Variants in SYDE1 observed in about 807,000 individuals in gnomAD.
The protein encoded by SYDE1 is rho GTPase-activating protein SYDE1.
Under a neutral mutation model 63.3 loss-of-function variants are expected in SYDE1, and 34 were observed. The ratio of observed to expected loss-of-function variants is 0.54; its 90% CI spans 0.41 to 0.71. The LOEUF is 0.71. Ranked by LOEUF, SYDE1 falls within the 30% of genes least tolerant of loss-of-function variation. The pLI, the probability that SYDE1 is intolerant of heterozygous loss-of-function variation, is 0.00. For missense variants in SYDE1, 925 were observed against 1,042.5 expected (o/e 0.89, Z 1.55); for synonymous variants, 467 against 473.4 (o/e 0.99, Z 0.18).
chr19:15,113,423 C>A, intron 7 of SYDE1, 137 bp from the exon 8 acceptor site: 1 of 1,016,934 alleles, frequency 9.8e-7, no homozygotes, highest in Non-Finnish European at 1.4e-6. Context: ...CGTAAGCAAC[C>A]AGTCCTAGCT....
Position 15,110,511 on chromosome 19 carries a change from GT to G in SYDE1, c.1076-9del, listed in dbSNP as rs2046338028. ...GAGCACACCCGGCTCAGGCCCCCTT[GT>G]GTCCTCAGGGTGCCAGGCCCAACAG... On this transcript the variant is annotated splice_polypyrimidine_tract_variant and intron_variant, in intron 3 of 7. Coordinates refer to ENST00000342784, the MANE Select transcript of SYDE1 (RefSeq NM_033025.6). This position sits in a 1 kb window ranked among gnomAD's most constrained non-coding sequence, Gnocchi z 6.9. 6.4e-7 allele frequency: 1 copy of G among 1,566,444 alleles called. No individual in the cohort carries two copies. The highest frequency in any genetic ancestry group is 8.6e-7 in the Non-Finnish European group (1 of 1,158,478).
In SYDE1 at chr19:15,109,451, CT is replaced by C; in HGVS notation, c.430+56del. 2 of 1,479,780 alleles carry C rather than the reference CT, an allele frequency of 1.4e-6. No individual in the cohort carries two copies. The highest frequency in any genetic ancestry group is 2.4e-5 in the East Asian group (1 of 41,872). 91.7% of individuals were successfully genotyped at this position (1,479,780 alleles called of 1,614,324 possible). ...CAAGGTGAGCACCAGCTCCACATCC[CT>C]TCCCTTCAGGGTAGCACCAGCCTCA... On this transcript the variant is annotated intron_variant, in intron 2 of 7. Transcript: ENST00000342784. The surrounding 1 kb of genome is among the most constrained non-coding windows in gnomAD (Gnocchi z 5.0).
Position 15,108,739 on chromosome 19 carries a change from T to G in SYDE1, c.89-317T>G. ...GGTGCAAAGCTCCATGCCACGGTTA[T>G]TGAGAGGGTAGAGGAAGTGGAGACT... On this transcript the variant is annotated intron_variant, in intron 1 of 7. Coordinates refer to ENST00000342784, the MANE Select transcript of SYDE1 (RefSeq NM_033025.6). The surrounding 1 kb of genome is among the most constrained non-coding windows in gnomAD (Gnocchi z 4.3). 5 of 281,436 alleles carry G rather than the reference T, an allele frequency of 1.8e-5. No homozygotes were observed. Among genetic ancestry groups the G allele is most frequent in the Non-Finnish European group, 2.6e-5 (4 of 151,584 alleles). The allele number at this position is 281,436 out of a possible 1,614,324, so 17.4% of individuals were successfully genotyped here.
rs758078960 is a variant in SYDE1 at position 15,113,856 on chromosome 19, G to A, written c.2101G>A (p.Asp701Asn). 1 of 1,614,206 alleles carries A rather than the reference G, an allele frequency of 6.2e-7. No individual in the cohort carries two copies. The highest frequency in any genetic ancestry group is 1.1e-5 in the South Asian group (1 of 91,090). The change falls in exon 8 of 8, where the codon GAC becomes AAC. Residue 701 changes from aspartate to asparagine, a missense_variant. By Grantham distance (23) the Asp-to-Asn change is conservative. Transcript: ENST00000342784. ...GEPRVTGDFE[D>N]DFDAPFNPHL... is the part of the protein sequence containing the mutation. The stretch of plus-strand genomic sequence containing the variant: ...GCCGAGGGTCACCGGTGACTTCGAA[G>A]ACGACTTCGATGCGCCCTTCAACCC...
At position 15,111,875 on chromosome 19, in the gene SYDE1, T is replaced by C. The variant is rs559554525; in HGVS notation, c.1578+83T>C. 1.5e-5 allele frequency: 21 copies of C among 1,359,932 alleles called. No homozygotes were observed. The East Asian group carries it at 2.4e-4, about 16-fold the overall frequency. 84.2% of individuals were successfully genotyped at this position (1,359,932 alleles called of 1,614,324 possible). On this transcript the variant is annotated intron_variant, in intron 6 of 7. Transcript: ENST00000342784. The surrounding 1 kb of genome is among the most constrained non-coding windows in gnomAD (Gnocchi z 5.5). ...GTTTCACCCATGCCTGGGCCTGAGA[T>C]GGGCATGAGCTGGCAGCATCATCAT...
At chr19:15,112,302 G>A in intron 6 of SYDE1, 44 bp from the exon 7 acceptor site, 2 of 1,402,834 alleles carry the variant, frequency 1.4e-6, no homozygotes, top group Admixed American at 2.0e-5. Flanking sequence ...GGTGCCACAG[G>A]GGCCTGACTT....
At position 15,114,000 on chromosome 19, in the gene SYDE1, C is replaced by T. The variant is rs199733623; in HGVS notation, c.*37C>T. The stretch of plus-strand genomic sequence containing the variant: ...GGGTGGGACCCCGGTTAGTAAGGAC[C>T]GGGCGCCCAGTGGCTAAGGCGGTGC... On this transcript the variant is annotated 3_prime_UTR_variant, in exon 8 of 8. Transcript: ENST00000342784. 24 of 1,580,480 alleles carry T rather than the reference C, an allele frequency of 1.5e-5. No homozygotes were observed. The African/African-American group carries it at 2.6e-4, about 17-fold the overall frequency.
Position 15,109,930 on chromosome 19 carries a change from T to C in SYDE1, c.657T>C (p.Pro219=), listed in dbSNP as rs1397402792. 6.8e-7 allele frequency: 1 copy of C among 1,460,112 alleles called. No homozygotes were observed. Among genetic ancestry groups the C allele is most frequent in the South Asian group, 1.4e-5 (1 of 73,842 alleles). The allele number at this position is 1,460,112 out of a possible 1,614,324, so 90.4% of individuals were successfully genotyped here. A position where few individuals can be genotyped will look rare whatever the true frequency, so the allele number is the denominator to read the frequency against. ...GGGGCCCCGGGCCGGCAGCAGGGCCTGGGGGCACCCGGAGCCCGAGGGCCG... is the reference window on the plus strand; with the variant it reads ...GGGGCCCCGGGCCGGCAGCAGGGCCCGGGGGCACCCGGAGCCCGAGGGCCG... ...SVGGPGPAAG[P]GGTRSPRAGY... is the part of the protein sequence containing the mutation. The change falls in exon 3 of 8, where the codon CCT becomes CCC. Residue 219 remains proline, a synonymous_variant. Transcript: ENST00000342784. This position sits in a 1 kb window ranked among gnomAD's most constrained non-coding sequence, Gnocchi z 5.0.
rs773334588 is a variant in SYDE1 at position 15,108,866 on chromosome 19, C to T, written c.89-190C>T. 6 of 906,964 alleles carry T rather than the reference C, an allele frequency of 6.6e-6. No individual in the cohort carries two copies. Among genetic ancestry groups the T allele is most frequent in the Admixed American group, 6.9e-5 (2 of 29,096 alleles). 56.2% of individuals were successfully genotyped at this position (906,964 alleles called of 1,614,324 possible). A position where few individuals can be genotyped will look rare whatever the true frequency, so the allele number is the denominator to read the frequency against. ...TGCCAGGGACTGAGTAGGGGGTGCT[C>T]TAAGCTGATAACTGAGATCGCTAGC... On this transcript the variant is annotated intron_variant, in intron 1 of 7. Coordinates refer to ENST00000342784, the MANE Select transcript of SYDE1 (RefSeq NM_033025.6). This position sits in a 1 kb window ranked among gnomAD's most constrained non-coding sequence, Gnocchi z 4.3.
In SYDE1 at chr19:15,108,162, G is replaced by C. The variant is rs2046319039; in HGVS notation, c.88+641G>C. On this transcript the variant is annotated intron_variant, in intron 1 of 7. Transcript: ENST00000342784. This position sits in a 1 kb window ranked among gnomAD's most constrained non-coding sequence, Gnocchi z 4.3. ...ACCCTAGAGGGTGGACATCAGAGGT[G>C]GCCAGAGGAGGAGTTCAGCAGGGTA... Among the ~76,000 whole-genome samples the C allele has an allele frequency of 6.6e-6, 1 of 152,148 alleles. No individual in the cohort carries two copies. Among genetic ancestry groups the C allele is most frequent in the South Asian group, 2.1e-4 (1 of 4,832 alleles).
rs146930053 is a variant in SYDE1, at chr19:15,109,554, G to C, written c.431-150G>C. 13 of 982,870 alleles carry C rather than the reference G, an allele frequency of 1.3e-5. No homozygotes were observed. The highest frequency in any genetic ancestry group is 5.4e-5 in the East Asian group (2 of 36,994). 60.9% of individuals were successfully genotyped at this position (982,870 alleles called of 1,614,324 possible). On this transcript the variant is annotated intron_variant, in intron 2 of 7. Coordinates refer to ENST00000342784, the MANE Select transcript of SYDE1 (RefSeq NM_033025.6). The surrounding 1 kb of genome is among the most constrained non-coding windows in gnomAD (Gnocchi z 5.0). ...AGCACCAGCCTCACATCCCCACCCC[G>C]TCAGATGCTCCCAGAGGAGCATCAG...
Position 15,110,566 on chromosome 19 carries a change from T to A in SYDE1, c.1121T>A (p.Leu374Gln). The change falls in exon 4 of 8, where the codon CTG (leucine) becomes CAG (glutamine). Residue 374 changes from leucine to glutamine, a missense_variant. Transcript: ENST00000342784. The surrounding 1 kb of genome is among the most constrained non-coding windows in gnomAD (Gnocchi z 6.9). ...GCCGTGCGCCTGGAGCCTCAGGGGC[T>A]GCTGTATGCCAAGCTGACCCTGTCG... ...QLAVRLEPQG[L>Q]LYAKLTLSEQ... 6.3e-7 allele frequency: 1 copy of A among 1,598,846 alleles called. No homozygotes were observed. Among genetic ancestry groups the A allele is most frequent in the East Asian group, 2.3e-5 (1 of 44,278 alleles).
chr19:15,111,741 C>A lies in SYDE1; in HGVS notation c.1527C>A (p.Pro509=). Residue 509 remains proline (P), a synonymous_variant, in exon 6 of 8, where the codon CCC becomes CCA. Coordinates refer to ENST00000342784, the MANE Select transcript of SYDE1 (RefSeq NM_033025.6). The surrounding 1 kb of genome is among the most constrained non-coding windows in gnomAD (Gnocchi z 5.5). ...MARDPPNRVP[P]TTEGTRGLLS... ...GGGACCCCCCAAACAGAGTTCCCCC[C>A]ACCACTGAGGGCACCCGAGGGCTCC... is the stretch of plus-strand genomic sequence containing the variant. The A allele has an allele frequency of 6.2e-7, 1 of 1,609,656 alleles. No homozygotes were observed. Among genetic ancestry groups the A allele is most frequent in the Non-Finnish European group, 8.5e-7 (1 of 1,178,002 alleles).
In SYDE1 at chr19:15,114,067, C is replaced by A; in HGVS notation, c.*104C>A. The stretch of plus-strand genomic sequence containing the variant: ...AGCCAGACCTGTTGCTCAGGCCGAG[C>A]TCCTGGTTGCCAGCGAGTTACCACG... On this transcript the variant is annotated 3_prime_UTR_variant, in exon 8 of 8. Coordinates refer to ENST00000342784, the MANE Select transcript of SYDE1 (RefSeq NM_033025.6). 1 of 1,226,590 alleles carries A rather than the reference C, an allele frequency of 8.2e-7. No homozygotes were observed. Among genetic ancestry groups the A allele is most frequent in the Non-Finnish European group, 1.1e-6 (1 of 878,950 alleles). The allele number at this position is 1,226,590 out of a possible 1,614,324, so 76.0% of individuals were successfully genotyped here.
chr19:15,109,734 C>T lies in SYDE1; in HGVS notation c.461C>T (p.Ala154Val). Residue 154 changes from alanine (A) to valine (V), a missense_variant, in exon 3 of 8, where the codon GCC becomes GTC. By Grantham distance (64) the Ala-to-Val change is moderately conservative. This residue lies in a region of SYDE1 where 599 missense variants were observed against 653.7 expected (regional missense o/e 0.92). Coordinates refer to ENST00000342784, the MANE Select transcript of SYDE1 (RefSeq NM_033025.6). This position sits in a 1 kb window ranked among gnomAD's most constrained non-coding sequence, Gnocchi z 5.0. ...GAAPASPPTK[A>V]SRTKSPGPAR... is the part of the protein sequence containing the mutation. ...GCCCCCGCCAGCCCCCCAACCAAAG[C>T]CTCCCGCACCAAGTCCCCGGGCCCC... is the stretch of plus-strand genomic sequence containing the variant. The T allele has an allele frequency of 1.3e-6, 2 of 1,526,626 alleles. No individual in the cohort carries two copies. The highest frequency in any genetic ancestry group is 8.8e-7 in the Non-Finnish European group (1 of 1,136,860). The allele number at this position is 1,526,626 out of a possible 1,614,324, so 94.6% of individuals were successfully genotyped here.
Position 15,109,128 on chromosome 19 carries a change from G to A in SYDE1, c.161G>A (p.Gly54Glu), listed in dbSNP as rs1278665718. The A allele has an allele frequency of 1.3e-6, 2 of 1,550,078 alleles. No homozygotes were observed. Among genetic ancestry groups the A allele is most frequent in the Non-Finnish European group, 1.7e-6 (2 of 1,146,766 alleles). ...CAGGCTCCCGAAGGGTCCCAGGCCG[G>A]AGCAGAGGGGCCCTCCAGCCCCGAG... ...EPQAPEGSQA[G>E]AEGPSSPEAS... Residue 54 changes from glycine (G) to glutamate (E), a missense_variant, in exon 2 of 8, where the codon GGA (glycine) becomes GAA (glutamate). Coordinates refer to ENST00000342784, the MANE Select transcript of SYDE1 (RefSeq NM_033025.6). The surrounding 1 kb of genome is among the most constrained non-coding windows in gnomAD (Gnocchi z 5.0).
In SYDE1 at chr19:15,109,940, C is replaced by A; in HGVS notation, c.667C>A (p.Arg223=). Reference sequence around the variant, plus strand: ...GCCGGCAGCAGGGCCTGGGGGCACCCGGAGCCCGAGGGCCGGTTACCTCAG... The same window carrying A: ...GCCGGCAGCAGGGCCTGGGGGCACCAGGAGCCCGAGGGCCGGTTACCTCAG... ...PGPAAGPGGT[R]SPRAGYLSDG... Residue 223 remains arginine, a synonymous_variant, in exon 3 of 8, where the codon CGG becomes AGG. Transcript: ENST00000342784. The surrounding 1 kb of genome is among the most constrained non-coding windows in gnomAD (Gnocchi z 5.0). The A allele has an allele frequency of 6.9e-7, 1 of 1,459,192 alleles. No homozygotes were observed. The highest frequency in any genetic ancestry group is 9.0e-7 in the Non-Finnish European group (1 of 1,113,670). 90.4% of individuals were successfully genotyped at this position (1,459,192 alleles called of 1,614,324 possible).
chr19:15,111,634 A>G lies in SYDE1; in HGVS notation c.1420A>G (p.Ile474Val). 1 of 1,613,886 alleles carries G rather than the reference A, an allele frequency of 6.2e-7. No homozygotes were observed. The highest frequency in any genetic ancestry group is 8.5e-7 in the Non-Finnish European group (1 of 1,179,972). ...LYPDINVITG[I>V]LKDYLRELPT... is the part of the protein sequence containing the mutation. ...CAGAGGGGACCCTGTGTTCACAGGC[A>G]TCCTCAAGGATTATCTTCGAGAGTT... Residue 474 changes from isoleucine (I) to valine (V), a missense_variant and splice_region_variant, in exon 6 of 8, where the codon ATC (isoleucine) becomes GTC (valine). Transcript: ENST00000342784. The surrounding 1 kb of genome is among the most constrained non-coding windows in gnomAD (Gnocchi z 5.5).
At position 15,112,513 on chromosome 19, in the gene SYDE1, T is replaced by C. The variant is rs746091096; in HGVS notation, c.1746T>C (p.Ser582=). ...RARSSGPGLA[S]AVDFKHHIEV... ...GCAGCTCCGGCCCAGGCCTTGCCAG[T>C]GCAGTGGACTTCAAGCACCACATCG... Residue 582 remains serine (S), a synonymous_variant, in exon 7 of 8, where the codon AGT becomes AGC. Coordinates refer to ENST00000342784, the MANE Select transcript of SYDE1 (RefSeq NM_033025.6). The C allele has an allele frequency of 1.2e-6, 2 of 1,606,712 alleles. No homozygotes were observed. The highest frequency in any genetic ancestry group is 2.2e-5 in the East Asian group (1 of 44,612).
Sources: gnomAD v4.1 joint callset for allele counts (sites outside exome capture counted in the v4.1 genomes callset) on GRCh38, gnomAD v4.1.1 for gene constraint, gnomAD v4.1.1 regional missense constraint, Gnocchi (gnomAD v3.1) non-coding constraint, MANE v1.5 for transcripts, NCBI Gene and HGNC (gene_info 2026-07-23, HGNC 2026-07-21) for gene names.